Variants in CAPN8 observed in about 807,000 individuals in gnomAD.
CAPN8 encodes the protein calpain-8.
CAPN8 carries 87 observed loss-of-function variants against 80.9 expected under a neutral mutation model. The observed-to-expected ratio is 1.07, with a 90% CI of 0.90 to 1.28. The LOEUF is 1.28. CAPN8 is among the 50% of genes most tolerant of loss of function. The pLI, the probability that CAPN8 is intolerant of heterozygous loss-of-function variation, is 0.00. For synonymous variants in CAPN8, 299 were observed against 273.8 expected (o/e 1.09, Z -0.91); for missense variants, 757 against 702.0 (o/e 1.08, Z -0.89).
chr1:223,634,021 G>T (rs973470347), intron 2 of CAPN8, among the ~76,000 whole-genome samples: 5 of 152,204 alleles, frequency 3.3e-5, no homozygotes, highest in Admixed American at 6.5e-5. Context: ...TGAAGCAGAA[G>T]CCAAAGCAGG....
At chr1:223,663,364 T>G (rs929713227) in intron 1 of CAPN8, among the ~76,000 whole-genome samples, 1 of 152,184 alleles carries the variant, frequency 6.6e-6, no homozygotes. Flanking sequence ...CCCAAGACCC[T>G]TGGGATCTGC....
At chr1:223,638,573 G>T (rs1271958854) in intron 2 of CAPN8, among the ~76,000 whole-genome samples, 1 of 152,044 alleles carries the variant, frequency 6.6e-6, no homozygotes, top group Non-Finnish European at 1.5e-5. Context: ...CTGCTTCTTT[G>T]CTGATAAGGA....
At position 223,627,138 on chromosome 1, in the gene CAPN8, C is replaced by T; in HGVS notation, c.580G>A (p.Ala194Thr). ...TCCACTGTGGAACCTCCAGCGAGAG[C>T]CTCATAACAACCATTAAGCCTATTG... is the stretch of plus-strand genomic sequence containing the variant. The part of the protein sequence containing the change: ...AYAKLNGCYE[A>T]LAGGSTVEGF... The change falls in exon 5 of 21, where the codon GCT becomes ACT. Residue 194 changes from alanine to threonine, a missense_variant. Transcript: ENST00000366872. 6.4e-7 allele frequency: 1 copy of T among 1,552,374 alleles called. No individual in the cohort carries two copies. Among genetic ancestry groups the T allele is most frequent in the Non-Finnish European group, 8.7e-7 (1 of 1,147,128 alleles).
At chr1:223,615,817 G>A (rs2102700906) in intron 10 of CAPN8, 153 bp downstream of exon 10, 1 of 899,344 alleles carries the variant, frequency 1.1e-6, no homozygotes. Context: ...TCAGGCCTCA[G>A]TAAGGCCACT....
In CAPN8 at chr1:223,627,161, T is replaced by A. The variant is rs1262860437; in HGVS notation, c.561-4A>T. On this transcript the variant is annotated splice_polypyrimidine_tract_variant and splice_region_variant and intron_variant, in intron 4 of 20. Transcript: ENST00000366872. ...AGCCTCATAACAACCATTAAGCCTA[T>A]TGGAAAAGAAAGAACACATGCTCCA... 1.3e-6 allele frequency: 2 copies of A among 1,551,918 alleles called. No homozygotes were observed. The highest frequency in any genetic ancestry group is 1.4e-5 in the African/African-American group (1 of 72,964).
intron 13 of CAPN8, among the ~76,000 whole-genome samples, chr1:223,556,132 G>C: frequency 6.6e-6 from 1 of 152,332 alleles, no homozygotes; most frequent in East Asian, 1.9e-4. Context: ...TGTTCACCCT[G>C]TAATTTTTCC....
chr1:223,642,751 C>G (rs1658077674), intron 2 of CAPN8: 1 of 451,094 alleles, frequency 2.2e-6, no homozygotes, highest in African/African-American at 2.0e-5. Flanking sequence ...CTCTTCACAG[C>G]TGAAGAAACT....
chr1:223,650,879 A>G (rs1488958695), intron 2 of CAPN8, among the ~76,000 whole-genome samples: 1 of 152,176 alleles, frequency 6.6e-6, no homozygotes, highest in Non-Finnish European at 1.5e-5. Flanking sequence ...TTCAGTGGCC[A>G]CAGAGACCTC....
At chr1:223,613,470 G>T (rs1274875979) in intron 10 of CAPN8, among the ~76,000 whole-genome samples, 1 of 152,186 alleles carries the variant, frequency 6.6e-6, no homozygotes, top group Admixed American at 6.5e-5. Context: ...CCATCAGTAT[G>T]CTCCAGATCC....
chr1:223,622,576 GC>G, intron 7 of CAPN8: 1 of 548,540 alleles, frequency 1.8e-6, no homozygotes, highest in Admixed American at 3.5e-5. Flanking sequence ...ATTCCACAGA[GC>G]CGCCAAACTT....
At chr1:223,555,813 T>C (rs1656894139) in intron 13 of CAPN8, among the ~76,000 whole-genome samples, 2 of 152,192 alleles carry the variant, frequency 1.3e-5, no homozygotes, top group Non-Finnish European at 1.5e-5. Context: ...GTGTACGTGG[T>C]TGCAACTGTG....
rs892283893 is a variant in CAPN8, at chr1:223,665,585, T to C, written c.62A>G (p.Asn21Ser). The C allele has an allele frequency of 6.4e-7, 1 of 1,551,506 alleles. No individual in the cohort carries two copies. Among genetic ancestry groups the C allele is most frequent in the Non-Finnish European group, 8.7e-7 (1 of 1,146,992 alleles). ...GCCCAAGTACTTCAAAGCGTTTTGGTTGGAGCCAAGACCTTGAGTGGCTGC... is the reference window on the plus strand; with the variant it reads ...GCCCAAGTACTTCAAAGCGTTTTGGCTGGAGCCAAGACCTTGAGTGGCTGC... ...QRAATQGLGSNQNALKYLGQD... is the reference protein window; with the variant it reads ...QRAATQGLGSSQNALKYLGQD... Residue 21 changes from asparagine (N) to serine (S), a missense_variant, in exon 1 of 21, where the codon AAC becomes AGC. Transcript: ENST00000366872.
intron 1 of CAPN8, among the ~76,000 whole-genome samples, chr1:223,661,229 G>A (rs28723386): frequency 0.076 from 11,446 of 151,498 alleles, 991 homozygotes; most frequent in African/African-American, 0.2. Flanking sequence ...TCTACAAATG[G>A]TCAATAAGCA....
At chr1:223,658,068 C>T (rs548787096) in intron 1 of CAPN8, among the ~76,000 whole-genome samples, 2 of 152,264 alleles carry the variant, frequency 1.3e-5, no homozygotes, top group East Asian at 1.9e-4. Context: ...TCTTGGTCCT[C>T]AACCCTCTGA....
chr1:223,649,829 G>A (rs377259022), intron 2 of CAPN8, among the ~76,000 whole-genome samples: 16 of 152,188 alleles, frequency 1.1e-4, no homozygotes, highest in Middle Eastern at 3.2e-3. Flanking sequence ...ACCAGGCACC[G>A]TGGATATATT....
intron 2 of CAPN8, among the ~76,000 whole-genome samples, chr1:223,643,414 C>A (rs1156511890): frequency 6.6e-6 from 1 of 152,146 alleles, no homozygotes; most frequent in Non-Finnish European, 1.5e-5. Flanking sequence ...GTCTTCCAGG[C>A]TCAAATATAC....
intron 16 of CAPN8, among the ~76,000 whole-genome samples, chr1:223,548,765 A>G (rs930599069): frequency 5.9e-5 from 9 of 152,226 alleles, no homozygotes; most frequent in Non-Finnish European, 1.2e-4. Context: ...AGAACAGCCT[A>G]ACACACCATA....
Position 223,613,012 on chromosome 1 carries a change from G to C in CAPN8, c.1312-755C>G, listed in dbSNP as rs141466388. Among the ~76,000 whole-genome samples the C allele has an allele frequency of 2.1e-3, 319 of 151,934 alleles. 1 individual carries two copies. The highest frequency in any genetic ancestry group is 7.0e-3 in the African/African-American group (290 of 41,314). ...ACTGGAAGTGTTGACTCCCATAAGA[G>C]AGTAGCTCTCAGATCCAGAGTAGAA... On this transcript the variant is annotated intron_variant, in intron 10 of 20. Coordinates refer to ENST00000366872, the MANE Select transcript of CAPN8 (RefSeq NM_001143962.2).
At chr1:223,613,511 AGC>A (rs1028086744) in intron 10 of CAPN8, among the ~76,000 whole-genome samples, 1 of 152,176 alleles carries the variant, frequency 6.6e-6, no homozygotes. Flanking sequence ...GCAGAAACTG[AGC>A]CAGGCAGGTG....
Sources: allele counts gnomAD v4.1 joint callset (sites outside exome capture counted in the v4.1 genomes callset), GRCh38; gene constraint gnomAD v4.1.1; transcripts MANE v1.5; gene names NCBI Gene and HGNC (gene_info 2026-07-23, HGNC 2026-07-21).